Variants in DMRTA1 observed in about 807,000 individuals in gnomAD.
DMRTA1 encodes the protein DMRT like family A1.
DMRTA1 carries 34 observed loss-of-function variants against 35.2 expected under a neutral mutation model. The observed-to-expected ratio is 0.97, with a 90% CI of 0.74 to 1.29. DMRTA1 has a LOEUF of 1.29. DMRTA1 is among the 50% of genes most tolerant of loss of function. The pLI is 0.00. For synonymous variants in DMRTA1, 344 were observed against 276.6 expected (o/e 1.24, Z -2.42); for missense variants, 824 against 644.6 (o/e 1.28, Z -3.01).
rs141877034 is a variant in DMRTA1 at position 22,451,851 on chromosome 9, C to T, written c.1455C>T (p.Ser485=). The T allele has an allele frequency of 1.2e-6, 2 of 1,613,950 alleles. No homozygotes were observed. The highest frequency in any genetic ancestry group is 1.3e-5 in the African/African-American group (1 of 75,016). ...TGATTAGAGATTCTTCCTACCTTTC[C>T]AGTAAAGACTCAATAACTTGTGGCA... The part of the protein sequence containing the change: ...SGMIRDSSYL[S]SKDSITCGRL... The change falls in exon 2 of 2, where the codon TCC becomes TCT. Residue 485 remains serine (S), a synonymous_variant. Coordinates refer to ENST00000325870, the MANE Select transcript of DMRTA1 (RefSeq NM_022160.3).
In DMRTA1 at chr9:22,451,488, A is replaced by T. The variant is rs1818927444; in HGVS notation, c.1092A>T (p.Leu364Phe). ...TGGTCCAAGCCATTGAACAGGTTTT[A>T]AATGGCAAAGAACACAAGCCAGACA... The part of the protein sequence containing the change: ...GDVVQAIEQV[L>F]NGKEHKPDNR... Residue 364 changes from leucine (L) to phenylalanine (F), a missense_variant, in exon 2 of 2, where the codon TTA becomes TTT. Physicochemically the swap from Leu to Phe is conservative, Grantham distance 22. Transcript: ENST00000325870. 2 of 1,614,074 alleles carry T rather than the reference A, an allele frequency of 1.2e-6. No homozygotes were observed. Among genetic ancestry groups the T allele is most frequent in the Non-Finnish European group, 1.7e-6 (2 of 1,180,010 alleles).
In DMRTA1 at chr9:22,447,203, G is replaced by T. The variant is rs748905882; in HGVS notation, c.138G>T (p.Ala46=). ...PVPSGMQVPP[A]FLRPPSLFLR... The stretch of plus-strand genomic sequence containing the variant: ...CATCGGGGATGCAGGTTCCCCCAGC[G>T]TTCCTGCGGCCGCCCAGCCTCTTTC... The change falls in exon 1 of 2, where the codon GCG becomes GCT. Residue 46 remains alanine (A), a synonymous_variant. Coordinates refer to ENST00000325870, the MANE Select transcript of DMRTA1 (RefSeq NM_022160.3). 1 of 1,583,790 alleles carries T rather than the reference G, an allele frequency of 6.3e-7. No individual in the cohort carries two copies. The highest frequency in any genetic ancestry group is 1.1e-5 in the South Asian group (1 of 88,404).
chr9:22,449,911 C>T (rs1443799737), intron 1 of DMRTA1, among the ~76,000 whole-genome samples: 1 of 151,946 alleles, frequency 6.6e-6, no homozygotes, highest in East Asian at 1.9e-4. Flanking sequence ...AAATCACTGT[C>T]TTAGGCAATA....
At chr9:22,449,279 A>G (rs778101038) in intron 1 of DMRTA1, among the ~76,000 whole-genome samples, 19 of 152,314 alleles carry the variant, frequency 1.2e-4, no homozygotes, top group South Asian at 1.0e-3. Flanking sequence ...AGTTTTTCCT[A>G]CACAGAAGAA....
rs753320911 is a variant in DMRTA1, at chr9:22,451,475, T to C, written c.1079T>C (p.Ile360Thr). The C allele has an allele frequency of 1.4e-5, 23 of 1,613,996 alleles. No homozygotes were observed. Among genetic ancestry groups the C allele is most frequent in the Non-Finnish European group, 1.9e-5 (22 of 1,179,988 alleles). Residue 360 changes from isoleucine to threonine, a missense_variant, in exon 2 of 2, where the codon ATT becomes ACT. Transcript: ENST00000325870. ...RFCKGDVVQAIEQVLNGKEHK... is the reference protein window; with the variant it reads ...RFCKGDVVQATEQVLNGKEHK... ...TGCAAAGGGGATGTGGTCCAAGCCA[T>C]TGAACAGGTTTTAAATGGCAAAGAA...
In DMRTA1 at chr9:22,452,156, C is replaced by A; in HGVS notation, c.*245C>A. On this transcript the variant is annotated 3_prime_UTR_variant, in exon 2 of 2. Coordinates refer to ENST00000325870, the MANE Select transcript of DMRTA1 (RefSeq NM_022160.3). ...ATATGTGCCTTGAATAAAGCTATTT[C>A]AGGAAATATTTAATGAATTTTCTCC... 2 of 313,346 alleles carry A rather than the reference C, an allele frequency of 6.4e-6. No individual in the cohort carries two copies. The highest frequency in any genetic ancestry group is 1.2e-5 in the Non-Finnish European group (2 of 171,974). 19.4% of individuals were successfully genotyped at this position (313,346 alleles called of 1,614,324 possible).
chr9:22,452,191 C>A lies in DMRTA1; in HGVS notation c.*280C>A. The A allele has an allele frequency of 3.3e-5, 8 of 244,824 alleles. No homozygotes were observed. Among genetic ancestry groups the A allele is most frequent in the Non-Finnish European group, 6.3e-5 (8 of 127,188 alleles). The allele number at this position is 244,824 out of a possible 1,614,324, so 15.2% of individuals were successfully genotyped here. ...TTAATGAATTTTCTCCCTAAATTAT[C>A]ATTTGTAAACATTTTTATTTTAAAA... On this transcript the variant is annotated 3_prime_UTR_variant, in exon 2 of 2. Transcript: ENST00000325870.
At position 22,447,232 on chromosome 9, in the gene DMRTA1, G is replaced by C. The variant is rs765290110; in HGVS notation, c.167G>C (p.Arg56Pro). The change falls in exon 1 of 2, where the codon CGA (arginine) becomes CCA (proline). Residue 56 changes from arginine (R) to proline (P), a missense_variant. Physicochemically the swap from Arg to Pro is moderately radical, Grantham distance 103. Transcript: ENST00000325870. Reference protein sequence around the residue: ...AFLRPPSLFLRAAAAAAAAAA... With the variant: ...AFLRPPSLFLPAAAAAAAAAA... ...CTGCGGCCGCCCAGCCTCTTTCTGC[G>C]AGCAGCGGCCGCGGCCGCCGCCGCC... 7 of 1,536,840 alleles carry C rather than the reference G, an allele frequency of 4.6e-6. No homozygotes were observed. The highest frequency in any genetic ancestry group is 1.4e-5 in the African/African-American group (1 of 69,526).
rs535115502 is a variant in DMRTA1 at position 22,447,199 on chromosome 9, C to T, written c.134C>T (p.Pro45Leu). The change falls in exon 1 of 2, where the codon CCA (proline) becomes CTA (leucine). Residue 45 changes from proline (P) to leucine (L), a missense_variant. By Grantham distance (98) the Pro-to-Leu change is moderately conservative. Transcript: ENST00000325870. ...GTACCATCGGGGATGCAGGTTCCCCCAGCGTTCCTGCGGCCGCCCAGCCTC... is the reference window on the plus strand; with the variant it reads ...GTACCATCGGGGATGCAGGTTCCCCTAGCGTTCCTGCGGCCGCCCAGCCTC... The part of the protein sequence containing the change: ...LPVPSGMQVP[P>L]AFLRPPSLFL... 6.3e-7 allele frequency: 1 copy of T among 1,587,250 alleles called. No homozygotes were observed. Among genetic ancestry groups the T allele is most frequent in the East Asian group, 2.4e-5 (1 of 41,466 alleles).
rs1299834428 is a variant in DMRTA1 at position 22,455,673 on chromosome 9, CAT to C, written c.*3765_*3766del. The C allele has an allele frequency of 1.3e-5, 2 of 152,128 alleles. No individual in the cohort carries two copies. Among genetic ancestry groups the C allele is most frequent in the African/African-American group, 4.8e-5 (2 of 41,426 alleles). 9.4% of individuals were successfully genotyped at this position (152,128 alleles called of 1,614,324 possible). On this transcript the variant is annotated 3_prime_UTR_variant, in exon 2 of 2. Coordinates refer to ENST00000325870, the MANE Select transcript of DMRTA1 (RefSeq NM_022160.3). ...CATAGGCGAGCCACGTGTTTTGTAA[CAT>C]ATTCTCGTATATGTTATTTGGATTA...
Position 22,446,922 on chromosome 9 carries a change from A to G in DMRTA1, c.-144A>G. On this transcript the variant is annotated 5_prime_UTR_variant, in exon 1 of 2. Transcript: ENST00000325870. ...GTCGTCCCAACTCCTTCCGAGTGGA[A>G]AGAGTGTAAAACTTTTGTCCGTGCG... is the stretch of plus-strand genomic sequence containing the variant. 1 of 1,023,600 alleles carries G rather than the reference A, an allele frequency of 9.8e-7. No individual in the cohort carries two copies. Among genetic ancestry groups the G allele is most frequent in the South Asian group, 1.7e-5 (1 of 60,466 alleles). 63.4% of individuals were successfully genotyped at this position (1,023,600 alleles called of 1,614,324 possible).
Position 22,447,322 on chromosome 9 carries a change from C to G in DMRTA1, c.257C>G (p.Ala86Gly), listed in dbSNP as rs777123187. 6.5e-7 allele frequency: 1 copy of G among 1,533,470 alleles called. No homozygotes were observed. Among genetic ancestry groups the G allele is most frequent in the African/African-American group, 1.4e-5 (1 of 69,500 alleles). 95.0% of individuals were successfully genotyped at this position (1,533,470 alleles called of 1,614,324 possible). ...CCCGGGCTGGAGAGCGGGGTAGGCG[C>G]GGTGGGCTGCGGCTACCCGCGGACG... ...PAPGLESGVG[A>G]VGCGYPRTPK... Residue 86 changes from alanine to glycine, a missense_variant, in exon 1 of 2, where the codon GCG becomes GGG. By Grantham distance (60) the Ala-to-Gly change is moderately conservative. Transcript: ENST00000325870.
At position 22,447,489 on chromosome 9, in the gene DMRTA1, C is replaced by T. The variant is rs1213141206; in HGVS notation, c.424C>T (p.Leu142=). 1.9e-6 allele frequency: 3 copies of T among 1,560,912 alleles called. No homozygotes were observed. The highest frequency in any genetic ancestry group is 2.6e-6 in the Non-Finnish European group (3 of 1,154,464). ...GCGCGTCATGGCCGCCCAGGTGGCG[C>T]TGCGCAGGCAGCAGGCGCAGGAGGA... ...RQRVMAAQVA[L]RRQQAQEESE... Residue 142 remains leucine (L), a synonymous_variant, in exon 1 of 2, where the codon CTG becomes TTG. Coordinates refer to ENST00000325870, the MANE Select transcript of DMRTA1 (RefSeq NM_022160.3).
chr9:22,450,858 A>G lies in DMRTA1; in HGVS notation c.668-206A>G, dbSNP rs79832871. Among the ~76,000 whole-genome samples the G allele has an allele frequency of 6.0e-3, 914 of 152,330 alleles. 16 individuals are homozygous for G. In the East Asian group the frequency reaches 0.067, roughly 11 times the overall value. On this transcript the variant is annotated intron_variant, in intron 1 of 1. Transcript: ENST00000325870. ...ACCTTTGTGATTCTGAGATGATATA[A>G]TAGTATACTTTTCACTATTCCAGCA... is the stretch of plus-strand genomic sequence containing the variant.
rs529082996 is a variant in DMRTA1 at position 22,455,045 on chromosome 9, A to G, written c.*3134A>G. 3.3e-5 allele frequency: 5 copies of G among 152,330 alleles called. No homozygotes were observed. Among genetic ancestry groups the G allele is most frequent in the African/African-American group, 7.2e-5 (3 of 41,584 alleles). The allele number at this position is 152,330 out of a possible 1,614,324, so 9.4% of individuals were successfully genotyped here. A position where few individuals can be genotyped will look rare whatever the true frequency, so the allele number is the denominator to read the frequency against. On this transcript the variant is annotated 3_prime_UTR_variant, in exon 2 of 2. Coordinates refer to ENST00000325870, the MANE Select transcript of DMRTA1 (RefSeq NM_022160.3). The stretch of plus-strand genomic sequence containing the variant: ...CACCCTACCATTATTTATCAATAAA[A>G]CACAGTGCAGTTTTGCTCATCAGAA...
At position 22,447,548 on chromosome 9, in the gene DMRTA1, C is replaced by T. The variant is rs760509051; in HGVS notation, c.483C>T (p.Cys161=). Residue 161 remains cysteine, a synonymous_variant, in exon 1 of 2, where the codon TGC becomes TGT. Coordinates refer to ENST00000325870, the MANE Select transcript of DMRTA1 (RefSeq NM_022160.3). ...CCCGGGGGCTACAGAGGCTCCTGTG[C>T]TCGGGGCTCTCCTGGCCCCCCGGTG... ...SEARGLQRLL[C]SGLSWPPGGR... The T allele has an allele frequency of 2.5e-6, 4 of 1,589,636 alleles. No homozygotes were observed. In the South Asian group the frequency reaches 3.4e-5, roughly 13 times the overall value.
intron 1 of DMRTA1, among the ~76,000 whole-genome samples, chr9:22,448,839 T>A (rs1212049885): frequency 7.9e-6 from 1 of 127,352 alleles, no homozygotes; most frequent in Non-Finnish European, 1.6e-5. Context: ...TGTGTTTGCA[T>A]GTGTCAACTT....
chr9:22,453,257 T>A lies in DMRTA1; in HGVS notation c.*1346T>A, dbSNP rs1818958624. The A allele has an allele frequency of 1.3e-5, 2 of 152,090 alleles. No individual in the cohort carries two copies. Among genetic ancestry groups the A allele is most frequent in the African/African-American group, 2.4e-5 (1 of 41,438 alleles). 9.4% of individuals were successfully genotyped at this position (152,090 alleles called of 1,614,324 possible). A position where few individuals can be genotyped will look rare whatever the true frequency, so the allele number is the denominator to read the frequency against. ...GCAGCATGACTCACTAAAGATTTTT[T>A]AAATTATATGTATATACGTATGTGT... On this transcript the variant is annotated 3_prime_UTR_variant, in exon 2 of 2. Transcript: ENST00000325870.
rs1311191396 is a variant in DMRTA1, at chr9:22,451,933, T to C, written c.*22T>C. ...GTAATGTATATGCCCATTCTCTCTT[T>C]CTGGAGTTTTTCCAGCATACAATAC... On this transcript the variant is annotated 3_prime_UTR_variant, in exon 2 of 2. Transcript: ENST00000325870. 1 of 1,610,652 alleles carries C rather than the reference T, an allele frequency of 6.2e-7. No individual in the cohort carries two copies.
Sources: allele counts gnomAD v4.1 joint callset (sites outside exome capture counted in the v4.1 genomes callset), GRCh38; gene constraint gnomAD v4.1.1; transcripts MANE v1.5; gene names NCBI Gene and HGNC (gene_info 2026-07-23, HGNC 2026-07-21).